The following PGS1 variants were observed in gnomAD, a reference collection of about 807,000 sequenced individuals.
PGS1 encodes the protein phosphatidylglycerophosphate synthase 1.
Under a neutral mutation model 58.3 loss-of-function variants are expected in PGS1, and 44 were observed. The ratio of observed to expected loss-of-function variants is 0.75; its 90% CI spans 0.59 to 0.97. The LOEUF is 0.97. Ranked by LOEUF, PGS1 falls within the 50% of genes least tolerant of loss-of-function variation. The pLI is 0.00. For synonymous variants in PGS1, 330 were observed against 311.0 expected (o/e 1.06, Z -0.64); for missense variants, 684 against 731.1 (o/e 0.94, Z 0.74).
At position 78,415,035 on chromosome 17, in the gene PGS1, G is replaced by T; in HGVS notation, c.1551+8G>T. On this transcript the variant is annotated splice_region_variant and intron_variant, in intron 8 of 9. Coordinates refer to ENST00000262764, the MANE Select transcript of PGS1 (RefSeq NM_024419.5). Reference sequence around the variant, plus strand: ...CAGCAGCAGCTTCACCAGGTTGGTCGCAGCAAGTGGGATTTCCCAGGGCGC... The same window carrying T: ...CAGCAGCAGCTTCACCAGGTTGGTCTCAGCAAGTGGGATTTCCCAGGGCGC... The T allele has an allele frequency of 6.2e-7, 1 of 1,611,136 alleles. No individual in the cohort carries two copies.
At chr17:78,412,433 C>G (rs1293075457) in intron 7 of PGS1, among the ~76,000 whole-genome samples, 2 of 152,172 alleles carry the variant, frequency 1.3e-5, no homozygotes. Flanking sequence ...AGACTGTCTA[C>G]AGATACGTAT....
chr17:78,423,764 G>T, intron 9 of PGS1: 2 of 1,121,390 alleles, frequency 1.8e-6, no homozygotes. Context: ...TGGTTCCGAT[G>T]TGCTTGGTTA....
Position 78,414,962 on chromosome 17 carries a change from C to A in PGS1, c.1486C>A (p.Arg496=). 2 of 1,613,840 alleles carry A rather than the reference C, an allele frequency of 1.2e-6. No individual in the cohort carries two copies. Among genetic ancestry groups the A allele is most frequent in the South Asian group, 2.2e-5 (2 of 91,048 alleles). The change falls in exon 8 of 10, where the codon CGG becomes AGG. Residue 496 remains arginine, a synonymous_variant. Coordinates refer to ENST00000262764, the MANE Select transcript of PGS1 (RefSeq NM_024419.5). ...SPNFGYRSVH[R]DLEAQIAIVT... ...TAATTTTGGGTACAGGTCAGTTCAC[C>A]GGGACCTGGAGGCCCAGATTGCGAT...
intron 7 of PGS1, among the ~76,000 whole-genome samples, chr17:78,410,554 A>G (rs900610530): frequency 2.0e-4 from 24 of 122,320 alleles, no homozygotes; most frequent in African/African-American, 7.2e-4. Context: ...GCTCACTGCA[A>G]CCTCCGCCTC....
At chr17:78,416,426 C>A (rs1352997960) in intron 8 of PGS1, among the ~76,000 whole-genome samples, 1 of 152,184 alleles carries the variant, frequency 6.6e-6, no homozygotes, top group Non-Finnish European at 1.5e-5. Flanking sequence ...GGTAGAGAGT[C>A]CTTGGTGACT....
intron 7 of PGS1, among the ~76,000 whole-genome samples, chr17:78,410,649 T>C (rs919471274): frequency 7.9e-5 from 12 of 151,732 alleles, no homozygotes; most frequent in Admixed American, 2.0e-4. Context: ...AGTTTTTGTA[T>C]TTTTAGTAGA....
intron 1 of PGS1, among the ~76,000 whole-genome samples, 156 bp downstream of exon 1, chr17:78,378,964 A>C (rs1025028792): frequency 6.6e-6 from 1 of 151,902 alleles, no homozygotes; most frequent in Non-Finnish European, 1.5e-5. Context: ...CGCCTGACCT[A>C]TGTGCTTCTT....
At chr17:78,411,046 G>T (rs2084643522) in intron 7 of PGS1, among the ~76,000 whole-genome samples, 1 of 152,212 alleles carries the variant, frequency 6.6e-6, no homozygotes. Flanking sequence ...CCAGGCTGCT[G>T]CAGGATCTGT....
At chr17:78,398,217 G>C (rs1567963590) in intron 3 of PGS1, 35 bp from the exon 4 acceptor site, 1 of 1,438,456 alleles carries the variant, frequency 7.0e-7, no homozygotes, top group South Asian at 1.1e-5. Context: ...ACCTCTTTGG[G>C]TCTTAATCTT....
At chr17:78,392,724 G>C (rs1005112544) in intron 2 of PGS1, 59 bp downstream of exon 2, 1 of 1,329,486 alleles carries the variant, frequency 7.5e-7, no homozygotes, top group Non-Finnish European at 1.1e-6. Flanking sequence ...TCAGGTTGGT[G>C]AGTCCTGAGT....
In PGS1 at chr17:78,424,339, A is replaced by G. The variant is rs1002385687; in HGVS notation, c.*289A>G. 7.7e-6 allele frequency: 5 copies of G among 651,776 alleles called. No homozygotes were observed. The highest frequency in any genetic ancestry group is 5.5e-5 in the African/African-American group (3 of 54,976). 40.4% of individuals were successfully genotyped at this position (651,776 alleles called of 1,614,324 possible). On this transcript the variant is annotated 3_prime_UTR_variant, in exon 10 of 10. Transcript: ENST00000262764. ...AGGTGATGGCCTGCATGTTGTAACT[A>G]CCCCGTCCCGCTGGGCTCAAGGAAC...
chr17:78,386,981 G>GATGA (rs1567940590), intron 1 of PGS1, among the ~76,000 whole-genome samples: 9 of 111,458 alleles, frequency 8.1e-5, no homozygotes, highest in African/African-American at 3.7e-4. Flanking sequence ...GATGATGATG[G>GATGA]TGATGATGGT....
In PGS1 at chr17:78,387,303, C is replaced by CTTT. The variant is rs552622170; in HGVS notation, c.144-5163_144-5161dup. ...ACAGGTGAGAGCCACTGCGCCCAGC[C>CTTT]TTTTTTTTTTTTGAGACGGAGTTTT... On this transcript the variant is annotated intron_variant, in intron 1 of 9. Coordinates refer to ENST00000262764, the MANE Select transcript of PGS1 (RefSeq NM_024419.5). Among the ~76,000 whole-genome samples the CTTT allele has an allele frequency of 2.1e-5, 3 of 144,646 alleles. 1 individual carries two copies. The allele number at this position is 144,646 out of a possible 152,430, so 94.9% of individuals were successfully genotyped here.
Position 78,424,325 on chromosome 17 carries a change from T to C in PGS1, c.*275T>C, listed in dbSNP as rs2086301497. ...GCAGAGGCCTTCGTAGGTGATGGCC[T>C]GCATGTTGTAACTACCCCGTCCCGC... On this transcript the variant is annotated 3_prime_UTR_variant, in exon 10 of 10. Coordinates refer to ENST00000262764, the MANE Select transcript of PGS1 (RefSeq NM_024419.5). 2.4e-5 allele frequency: 18 copies of C among 760,556 alleles called. No individual in the cohort carries two copies. The highest frequency in any genetic ancestry group is 3.5e-5 in the Non-Finnish European group (17 of 491,634). 47.1% of individuals were successfully genotyped at this position (760,556 alleles called of 1,614,324 possible). A position where few individuals can be genotyped will look rare whatever the true frequency, so the allele number is the denominator to read the frequency against.
At chr17:78,402,996 C>T (rs72913425) in intron 6 of PGS1, among the ~76,000 whole-genome samples, 2,073 of 152,320 alleles carry the variant, frequency 0.014, 8 homozygotes, top group Non-Finnish European at 0.021. Context: ...CAGGCACTGT[C>T]ACTGCTGTGG....
chr17:78,423,889 T>C (rs2086225619), intron 9 of PGS1, 172 bp from the exon 10 acceptor site: 1 of 1,613,396 alleles, frequency 6.2e-7, no homozygotes, highest in South Asian at 1.1e-5. Context: ...GAGTGTGGGC[T>C]GTGAGGCAGG....
At chr17:78,423,901 G>A in intron 9 of PGS1, 160 bp from the exon 10 acceptor site, 2 of 1,613,836 alleles carry the variant, frequency 1.2e-6, no homozygotes, top group Non-Finnish European at 1.7e-6. Flanking sequence ...TGAGGCAGGA[G>A]CGAGCTAAAC....
In PGS1 at chr17:78,400,894, G is replaced by T. The variant is rs1486885364; in HGVS notation, c.880+39G>T. On this transcript the variant is annotated intron_variant, in intron 6 of 9. Coordinates refer to ENST00000262764, the MANE Select transcript of PGS1 (RefSeq NM_024419.5). The surrounding 1 kb of genome is among the most constrained non-coding windows in gnomAD (Gnocchi z 4.4). The stretch of plus-strand genomic sequence containing the variant: ...CTGACACCCTTCTATGGCTGTGGGT[G>T]GGGTGGAGTGAGGGCCCGGGAGAGC... 9.2e-6 allele frequency: 14 copies of T among 1,521,620 alleles called. No individual in the cohort carries two copies. Among genetic ancestry groups the T allele is most frequent in the Admixed American group, 4.0e-5 (2 of 50,312 alleles). 94.3% of individuals were successfully genotyped at this position (1,521,620 alleles called of 1,614,324 possible). A position where few individuals can be genotyped will look rare whatever the true frequency, so the allele number is the denominator to read the frequency against.
At chr17:78,413,126 G>C (rs1295230528) in intron 7 of PGS1, among the ~76,000 whole-genome samples, 1 of 152,230 alleles carries the variant, frequency 6.6e-6, no homozygotes, top group Non-Finnish European at 1.5e-5. Context: ...ACTGTTTATG[G>C]CACAATGCAC....
Sources: gnomAD v4.1 joint callset for allele counts (sites outside exome capture counted in the v4.1 genomes callset) on GRCh38, gnomAD v4.1.1 for gene constraint, Gnocchi (gnomAD v3.1) non-coding constraint, MANE v1.5 for transcripts, NCBI Gene and HGNC (gene_info 2026-07-23, HGNC 2026-07-21) for gene names.